PLCH1: variants seen among roughly 807,000 people sequenced by gnomAD.
The protein encoded by PLCH1 is 1-phosphatidylinositol 4,5-bisphosphate phosphodiesterase eta-1.
PLCH1 carries 60 observed loss-of-function variants against 126.7 expected under a neutral mutation model. That is an observed-to-expected ratio of 0.47 (90% CI 0.38 to 0.59). The LOEUF (loss-of-function observed/expected upper bound fraction) is 0.59, where lower values mean the gene tolerates loss of function less well. PLCH1 is among the 20% of genes least tolerant of loss of function. PLCH1 has a pLI of 0.00. For missense variants in PLCH1, 1,723 were observed against 2,040.0 expected, an observed-to-expected ratio of 0.84 and a Z score of 2.99; for synonymous variants, 719 against 734.9, an observed-to-expected ratio of 0.98 and a Z score of 0.35.
intron 1 of PLCH1, among the ~76,000 whole-genome samples, chr3:155,714,470 GT>G (rs1216965364): frequency 6.6e-6 from 1 of 152,190 alleles, no homozygotes; most frequent in East Asian, 1.9e-4. Context: ...CAAACTGGTT[GT>G]TAAAGGCCTC....
rs1560071401 is a variant in PLCH1 at position 155,497,375 on chromosome 3, G to T, written c.1839C>A (p.Leu613=). 9 of 1,614,050 alleles carry T rather than the reference G, an allele frequency of 5.6e-6. No individual in the cohort carries two copies. Among genetic ancestry groups the T allele is most frequent in the Non-Finnish European group, 7.6e-6 (9 of 1,179,890 alleles). The part of the protein sequence containing the change: ...RRKTMKLCRE[L]SDLVVYTNSV... ...AGTTTGTGTACACAACCAAATCAGA[G>T]AGTTCTCGGCAGAGCTTCATGGTTT... Residue 613 remains leucine, a synonymous_variant, in exon 15 of 23, where the codon CTC becomes CTA. Coordinates refer to ENST00000460012, the MANE Select transcript of PLCH1 (RefSeq NM_014996.4).
chr3:155,469,354 T>C (rs148623611), intron 21 of PLCH1, among the ~76,000 whole-genome samples: 1,811 of 152,320 alleles, frequency 0.012, 37 homozygotes, highest in African/African-American at 0.041. Context: ...ACCCGAATAC[T>C]GCGCTTTTCG....
intron 10 of PLCH1, among the ~76,000 whole-genome samples, chr3:155,535,648 G>A (rs1723248993): frequency 6.6e-6 from 1 of 152,206 alleles, no homozygotes; most frequent in African/African-American, 2.4e-5. Context: ...AAGAGTCTGA[G>A]CTTAGACACG....
intron 2 of PLCH1, among the ~76,000 whole-genome samples, chr3:155,619,023 T>C (rs1026765026): frequency 6.6e-6 from 1 of 152,192 alleles, no homozygotes; most frequent in African/African-American, 2.4e-5. Context: ...TTTTTCACTC[T>C]TTCTCATGCT....
intron 2 of PLCH1, among the ~76,000 whole-genome samples, chr3:155,619,944 T>C (rs1483349422): frequency 6.6e-6 from 1 of 152,230 alleles, no homozygotes; most frequent in Non-Finnish European, 1.5e-5. Flanking sequence ...CAAAAATCAT[T>C]TGTCCTCATC....
rs577722785 is a variant in PLCH1, at chr3:155,704,745, T to A, written c.-40-481A>T. Among the ~76,000 whole-genome samples the A allele has an allele frequency of 2.0e-5, 3 of 152,322 alleles. No individual in the cohort carries two copies. The South Asian group carries it at 6.2e-4, about 32-fold the overall frequency. On this transcript the variant is annotated intron_variant, in intron 1 of 22. Transcript: ENST00000460012. ...GCCATGAATGAGCCAAGCACATTAA[T>A]AAAATGTGCCTCCCTCTTTTTGGTT...
At chr3:155,603,315 A>G (rs572074044) in intron 2 of PLCH1, among the ~76,000 whole-genome samples, 1 of 152,368 alleles carries the variant, frequency 6.6e-6, no homozygotes, top group South Asian at 2.1e-4. Flanking sequence ...AAAAAGTGCA[A>G]AATGATGCAG....
At chr3:155,485,920 C>G (rs1476877393) in intron 21 of PLCH1, 1 of 600,616 alleles carries the variant, frequency 1.7e-6, no homozygotes, top group African/African-American at 1.9e-5. Context: ...CTTCAGCCTT[C>G]CATTCTTACA....
intron 13 of PLCH1, among the ~76,000 whole-genome samples, chr3:155,502,847 G>T (rs1412597731): frequency 2.6e-5 from 4 of 152,176 alleles, no homozygotes; most frequent in Admixed American, 6.5e-5. Flanking sequence ...TGAACATTTT[G>T]GTTGTTTTCA....
At chr3:155,608,462 T>C (rs568017129) in intron 2 of PLCH1, among the ~76,000 whole-genome samples, 1 of 151,978 alleles carries the variant, frequency 6.6e-6, no homozygotes, top group Non-Finnish European at 1.5e-5. Flanking sequence ...GCCTGGTGCA[T>C]AGACTGCCTG....
chr3:155,504,282 A>G (rs940703746), intron 13 of PLCH1, among the ~76,000 whole-genome samples: 1 of 152,234 alleles, frequency 6.6e-6, no homozygotes, highest in Non-Finnish European at 1.5e-5. Context: ...TGTATTGGAT[A>G]TGTATATTTA....
At chr3:155,626,092 T>C (rs1737209136) in intron 2 of PLCH1, among the ~76,000 whole-genome samples, 2 of 152,222 alleles carry the variant, frequency 1.3e-5, no homozygotes, top group South Asian at 2.1e-4. Flanking sequence ...TGGATGAAGC[T>C]GGAAACCATC....
intron 1 of PLCH1, among the ~76,000 whole-genome samples, chr3:155,733,340 C>T (rs1314220430): frequency 6.6e-6 from 1 of 152,094 alleles, no homozygotes; most frequent in African/African-American, 2.4e-5. Context: ...CTATAGTATT[C>T]AAAACAGCAT....
chr3:155,543,051 G>A (rs1209573896), intron 10 of PLCH1, among the ~76,000 whole-genome samples: 1 of 152,218 alleles, frequency 6.6e-6, no homozygotes, highest in African/African-American at 2.4e-5. Flanking sequence ...TGACTTTGCC[G>A]AGTTGAGAGA....
chr3:155,470,269 C>T (rs961542250), intron 21 of PLCH1, among the ~76,000 whole-genome samples: 1 of 151,986 alleles, frequency 6.6e-6, no homozygotes, highest in Admixed American at 6.5e-5. Flanking sequence ...TCGAGAACTA[C>T]GTGAAGAATA....
intron 2 of PLCH1, among the ~76,000 whole-genome samples, chr3:155,619,489 C>T: frequency 1.1e-5 from 1 of 90,322 alleles, no homozygotes; most frequent in East Asian, 4.3e-4. Flanking sequence ...AAAACAAAAA[C>T]AGAAAAAGTA....
chr3:155,583,413 A>C, intron 6 of PLCH1, 59 bp downstream of exon 6: 1 of 1,360,036 alleles, frequency 7.4e-7, no homozygotes, highest in Non-Finnish European at 1.0e-6. Context: ...CCCCAAAAGA[A>C]AGACATATCT....
At chr3:155,534,025 G>C (rs1371171754) in intron 10 of PLCH1, among the ~76,000 whole-genome samples, 1 of 152,236 alleles carries the variant, frequency 6.6e-6, no homozygotes, top group African/African-American at 2.4e-5. Context: ...AGGCAGTATG[G>C]AAGAGAAATG....
intron 2 of PLCH1, among the ~76,000 whole-genome samples, chr3:155,604,990 G>A (rs979354839): frequency 1.3e-5 from 2 of 152,134 alleles, no homozygotes; most frequent in African/African-American, 2.4e-5. Context: ...TGTCATGGAC[G>A]GCATTCCACT....
Sources: allele counts gnomAD v4.1 joint callset (sites outside exome capture counted in the v4.1 genomes callset), GRCh38; gene constraint gnomAD v4.1.1; transcripts MANE v1.5; gene names NCBI Gene and HGNC (gene_info 2026-07-23, HGNC 2026-07-21).